Variants in SCML2 observed in about 807,000 individuals in gnomAD.
SCML2 encodes the protein Scm polycomb group protein like 2, also known as sex comb on midleg-like protein 2.
A neutral mutation model predicts 48.4 loss-of-function variants in SCML2; 6 were observed. The observed-to-expected ratio is 0.12, with a 90% CI of 0.07 to 0.24. SCML2 has a LOEUF of 0.24. Among genes scored for constraint, SCML2 ranks in the 10% least tolerant of loss-of-function variants. The pLI is 1.00. For synonymous variants in SCML2, 181 were observed against 189.5 expected (o/e 0.95, Z 0.37); for missense variants, 377 against 528.2 (o/e 0.71, Z 2.81).
chrX:18,354,492 C>G (rs1428049930), intron 1 of SCML2, 100 bp downstream of exon 1: 1 of 225,448 alleles, frequency 4.4e-6, no homozygotes, highest in East Asian at 6.7e-5. Flanking sequence ...GCACGGGACG[C>G]GCGCTGATGG....
intron 7 of SCML2, among the ~76,000 whole-genome samples, chrX:18,280,212 T>C (rs1036452203): frequency 9.0e-6 from 1 of 111,613 alleles, no homozygotes; most frequent in African/African-American, 3.3e-5. Context: ...CTATTTTCAG[T>C]GTCCTTAAAG....
chrX:18,287,132 T>C (rs911700513), intron 7 of SCML2, among the ~76,000 whole-genome samples: 1 of 111,451 alleles, frequency 9.0e-6, no homozygotes, highest in Non-Finnish European at 1.9e-5. Flanking sequence ...AGTTTTACAG[T>C]ATTAAAAATT....
At chrX:18,309,864 GC>G (rs1173542311) in intron 6 of SCML2, among the ~76,000 whole-genome samples, 3 of 110,765 alleles carry the variant, frequency 2.7e-5, no homozygotes, top group African/African-American at 9.9e-5. Context: ...GTGCCCCAAA[GC>G]CCCCCAGCAC....
chrX:18,338,458 GA>G (rs375290546), intron 1 of SCML2, among the ~76,000 whole-genome samples: 36 of 77,989 alleles, frequency 4.6e-4, no homozygotes, highest in Middle Eastern at 7.8e-3. Flanking sequence ...AAAAAAAAAA[GA>G]AAAAAAAAAA....
intron 7 of SCML2, among the ~76,000 whole-genome samples, chrX:18,293,329 G>A (rs1000748320): frequency 9.0e-6 from 1 of 110,587 alleles, no homozygotes. Context: ...ATTAATAAGC[G>A]ATGCCTGAAA....
chrX:18,249,683 A>G (rs1211070444), intron 11 of SCML2, among the ~76,000 whole-genome samples: 1 of 111,351 alleles, frequency 9.0e-6, no homozygotes, highest in African/African-American at 3.3e-5. Context: ...ACACAAACAT[A>G]TTCCTGGGAA....
At chrX:18,350,034 A>G (rs1195322056) in intron 1 of SCML2, among the ~76,000 whole-genome samples, 1 of 112,444 alleles carries the variant, frequency 8.9e-6, no homozygotes, top group East Asian at 2.8e-4. Flanking sequence ...AAGCCAAGGC[A>G]GGAGGATCAC....
At chrX:18,337,345 A>T (rs1474335404) in intron 1 of SCML2, among the ~76,000 whole-genome samples, 3 of 91,275 alleles carry the variant, frequency 3.3e-5, no homozygotes. Context: ...AACCAATTGT[A>T]TGTTGGCTAC....
chrX:18,345,272 A>AT (rs1930161818), intron 1 of SCML2, among the ~76,000 whole-genome samples: 1 of 112,042 alleles, frequency 8.9e-6, no homozygotes, highest in Non-Finnish European at 1.9e-5. Context: ...ATCCTTCAGA[A>AT]TAACGAGCAC....
intron 7 of SCML2, among the ~76,000 whole-genome samples, chrX:18,278,315 C>T (rs1235364236): frequency 9.0e-6 from 1 of 111,306 alleles, no homozygotes; most frequent in Non-Finnish European, 1.9e-5. Flanking sequence ...ACAGGGTACC[C>T]GAATGCAAGG....
intron 2 of SCML2, among the ~76,000 whole-genome samples, chrX:18,331,706 G>C (rs1180574999): frequency 8.9e-6 from 1 of 111,791 alleles, no homozygotes; most frequent in Non-Finnish European, 1.9e-5. Flanking sequence ...AGCAATGGTT[G>C]ATATGTCTCT....
At chrX:18,330,179 G>A (rs765389339) in intron 3 of SCML2, among the ~76,000 whole-genome samples, 8 of 111,183 alleles carry the variant, frequency 7.2e-5, no homozygotes, top group Non-Finnish European at 1.3e-4. Flanking sequence ...CACATCTGTC[G>A]GACTCACCAC....
chrX:18,350,643 G>A (rs1930344597), intron 1 of SCML2, among the ~76,000 whole-genome samples: 1 of 109,641 alleles, frequency 9.1e-6, no homozygotes. Context: ...AACTGGGAAG[G>A]CTGAGGCAGG....
intron 6 of SCML2, among the ~76,000 whole-genome samples, chrX:18,308,529 T>C (rs1031629627): frequency 9.0e-6 from 1 of 111,542 alleles, no homozygotes; most frequent in Non-Finnish European, 1.9e-5. Flanking sequence ...TGAATAGACA[T>C]TTCTCAAAAG....
At chrX:18,268,884 T>C (rs1250296906) in intron 7 of SCML2, among the ~76,000 whole-genome samples, 1 of 111,490 alleles carries the variant, frequency 9.0e-6, no homozygotes. Context: ...CAATTATCTC[T>C]TCTCTCCTCA....
chrX:18,254,049 T>C (rs1401389308), intron 11 of SCML2, among the ~76,000 whole-genome samples: 1 of 112,073 alleles, frequency 8.9e-6, no homozygotes, highest in Non-Finnish European at 1.9e-5. Flanking sequence ...TTAGCAGTGC[T>C]TCTAGGGTAC....
At chrX:18,334,239 A>G in intron 1 of SCML2, 144 bp from the exon 2 acceptor site, 1 of 402,116 alleles carries the variant, frequency 2.5e-6, no homozygotes, top group African/African-American at 2.5e-5. Flanking sequence ...TTGCCTGGGA[A>G]TGGAGGAAGA....
chrX:18,264,674 A>G (rs1361384621), intron 8 of SCML2, among the ~76,000 whole-genome samples: 1 of 111,757 alleles, frequency 8.9e-6, no homozygotes, highest in Non-Finnish European at 1.9e-5. Flanking sequence ...TGCAGATTCT[A>G]AATTCTATAT....
At position 18,324,891 on chromosome X, in the gene SCML2, C is replaced by T. The variant is rs372766267; in HGVS notation, c.162+16G>A. Reference sequence around the variant, plus strand: ...AATAGTTTACATTAACTAACAGCTACAGAATCTTGGCATACCTGACGGAAG... The same window carrying T: ...AATAGTTTACATTAACTAACAGCTATAGAATCTTGGCATACCTGACGGAAG... On this transcript the variant is annotated intron_variant, in intron 4 of 14. Coordinates refer to ENST00000251900, the MANE Select transcript of SCML2 (RefSeq NM_006089.3). 12 of 1,147,702 alleles carry T rather than the reference C, an allele frequency of 1.0e-5. No individual in the cohort carries two copies. In the African/African-American group the frequency reaches 1.8e-4, roughly 17 times the overall value. The allele number at this position is 1,147,702 out of a possible 1,213,427, so 94.6% of individuals were successfully genotyped here. A position where few individuals can be genotyped will look rare whatever the true frequency, so the allele number is the denominator to read the frequency against.
Sources: allele counts gnomAD v4.1 joint callset (sites outside exome capture counted in the v4.1 genomes callset), GRCh38; gene constraint gnomAD v4.1.1; transcripts MANE v1.5; gene names NCBI Gene and HGNC (gene_info 2026-07-23, HGNC 2026-07-21).